The following ZFR variants were observed in gnomAD, a reference collection of about 807,000 sequenced individuals.
The protein encoded by ZFR is zinc finger RNA binding protein, also known as zinc finger RNA-binding protein.
ZFR carries 19 observed loss-of-function variants against 130.7 expected under a neutral mutation model. The observed-to-expected ratio is 0.15, with a 90% CI of 0.10 to 0.21. ZFR has a LOEUF of 0.21. Among genes scored for constraint, ZFR ranks in the 10% least tolerant of loss-of-function variants. ZFR has a pLI of 1.00. For synonymous variants in ZFR, 466 were observed against 456.9 expected, an observed-to-expected ratio of 1.02 and a Z score of -0.25; for missense variants, 872 against 1,321.5, an observed-to-expected ratio of 0.66 and a Z score of 5.27.
intron 3 of ZFR, among the ~76,000 whole-genome samples, chr5:32,419,281 TAG>T (rs1422604252): frequency 3.9e-5 from 6 of 152,100 alleles, no homozygotes; most frequent in Non-Finnish European, 8.8e-5. Flanking sequence ...CTATAAATAA[TAG>T]AGTCAAATGG....
intron 9 of ZFR, among the ~76,000 whole-genome samples, chr5:32,399,640 C>CTT (rs1393590076): frequency 3.9e-5 from 6 of 152,166 alleles, no homozygotes; most frequent in African/African-American, 1.4e-4. Context: ...ACAAAACTGA[C>CTT]TATTCAAAAA....
chr5:32,367,508 C>A (rs551456170), intron 17 of ZFR, among the ~76,000 whole-genome samples: 1 of 152,068 alleles, frequency 6.6e-6, no homozygotes, highest in Non-Finnish European at 1.5e-5. Context: ...GTAGCCTTGA[C>A]CTCCCAGGCT....
chr5:32,363,945 T>C lies in ZFR; in HGVS notation c.3045+3A>G. The C allele has an allele frequency of 2.5e-6, 4 of 1,613,558 alleles. No homozygotes were observed. Among genetic ancestry groups the C allele is most frequent in the Non-Finnish European group, 3.4e-6 (4 of 1,179,674 alleles). On this transcript the variant is annotated splice_donor_region_variant and intron_variant, in intron 19 of 19. Coordinates refer to ENST00000265069, the MANE Select transcript of ZFR (RefSeq NM_016107.5). ...AGGGCTCTGAATTTAGGAATACCAG[T>C]ACCTGTGCACTGGATGTGATGTCTT... is the stretch of plus-strand genomic sequence containing the variant.
Position 32,405,899 on chromosome 5 carries a change from C to T in ZFR, c.1032+875G>A, listed in dbSNP as rs999250182. 3.9e-5 allele frequency among the ~76,000 whole-genome samples: 6 copies of T among 152,184 alleles called. No homozygotes were observed. In the South Asian group the frequency reaches 8.3e-4, roughly 21 times the overall value. ...CAGGGAATGTTAGAAACTGAAAATA[C>T]CCCCCAAAATTCAGAAGTAGAGAAA... On this transcript the variant is annotated intron_variant, in intron 6 of 19. Coordinates refer to ENST00000265069, the MANE Select transcript of ZFR (RefSeq NM_016107.5).
At chr5:32,413,901 T>C (rs1246878265) in intron 5 of ZFR, among the ~76,000 whole-genome samples, 1 of 152,174 alleles carries the variant, frequency 6.6e-6, no homozygotes. Context: ...CTACCATCAT[T>C]CATACTGGTG....
At chr5:32,382,773 C>T (rs532453965) in intron 15 of ZFR, among the ~76,000 whole-genome samples, 1 of 152,178 alleles carries the variant, frequency 6.6e-6, no homozygotes, top group African/African-American at 2.4e-5. Flanking sequence ...CCACGCCCAG[C>T]TAATACCTAT....
At chr5:32,368,450 G>C (rs181475720) in intron 17 of ZFR, among the ~76,000 whole-genome samples, 149 of 152,238 alleles carry the variant, frequency 9.8e-4, no homozygotes, top group Non-Finnish European at 1.1e-3. Context: ...CGGTCAGGCT[G>C]GTCTTGAACT....
At chr5:32,444,093 C>CT in intron 2 of ZFR, 136 bp downstream of exon 2, 2 of 802,022 alleles carry the variant, frequency 2.5e-6, no homozygotes, top group Non-Finnish European at 3.2e-6. Flanking sequence ...GAGAGGCCGC[C>CT]GGGCTGGGCC....
At chr5:32,438,423 C>T (rs1561930864) in intron 2 of ZFR, among the ~76,000 whole-genome samples, 1 of 151,940 alleles carries the variant, frequency 6.6e-6, no homozygotes, top group Non-Finnish European at 1.5e-5. Context: ...ACCACCACGC[C>T]TGGCTAATTT....
At chr5:32,442,849 T>A (rs938972560) in intron 2 of ZFR, among the ~76,000 whole-genome samples, 7 of 152,040 alleles carry the variant, frequency 4.6e-5, no homozygotes, top group Non-Finnish European at 1.0e-4. Context: ...TTGCCCAGCA[T>A]CTCATTTTAC....
intron 4 of ZFR, among the ~76,000 whole-genome samples, chr5:32,416,910 T>C (rs1467400437): frequency 4.5e-5 from 1 of 22,120 alleles, no homozygotes; most frequent in Non-Finnish European, 1.4e-4. Flanking sequence ...TGCCCATTTT[T>C]TTTCTTTTTT....
At chr5:32,356,042 A>C in intron 19 of ZFR, 103 bp from the exon 20 acceptor site, 1 of 862,858 alleles carries the variant, frequency 1.2e-6, no homozygotes, top group South Asian at 2.7e-5. Context: ...AAGCATGTGT[A>C]ATGAAAGAAA....
At chr5:32,407,855 C>T (rs1028207780) in intron 5 of ZFR, among the ~76,000 whole-genome samples, 2 of 152,094 alleles carry the variant, frequency 1.3e-5, no homozygotes, top group African/African-American at 4.8e-5. Context: ...CAGTGATTTA[C>T]AGATTTTTAA....
chr5:32,444,129 C>T, intron 2 of ZFR, 100 bp downstream of exon 2: 2 of 1,361,466 alleles, frequency 1.5e-6, no homozygotes, highest in South Asian at 1.4e-5. Flanking sequence ...CGGGCCGGGG[C>T]TCTGGGATGG....
chr5:32,425,805 C>A (rs904784191), intron 2 of ZFR, among the ~76,000 whole-genome samples: 7 of 152,216 alleles, frequency 4.6e-5, no homozygotes, highest in Non-Finnish European at 1.0e-4. Flanking sequence ...GGATTACAGG[C>A]ATGAGCCACC....
intron 2 of ZFR, among the ~76,000 whole-genome samples, chr5:32,434,484 A>G (rs1266889856): frequency 1.3e-5 from 2 of 152,230 alleles, no homozygotes; most frequent in Non-Finnish European, 2.9e-5. Flanking sequence ...AAAGCCAACT[A>G]TGAAGTTAGT....
chr5:32,414,343 T>C (rs1753775095), intron 5 of ZFR, among the ~76,000 whole-genome samples: 1 of 152,206 alleles, frequency 6.6e-6, no homozygotes, highest in South Asian at 2.1e-4. Flanking sequence ...AGGCAATGTG[T>C]GATCTTAATC....
intron 17 of ZFR, among the ~76,000 whole-genome samples, chr5:32,369,202 G>GT (rs534823230): frequency 8.6e-5 from 13 of 151,808 alleles, no homozygotes; most frequent in Admixed American, 3.3e-4. Flanking sequence ...ACCGTTTGCT[G>GT]TTTTTTTTGT....
intron 15 of ZFR, among the ~76,000 whole-genome samples, chr5:32,383,091 T>C (rs527622592): frequency 1.3e-5 from 2 of 152,358 alleles, no homozygotes; most frequent in South Asian, 4.1e-4. Context: ...CAAATTAACA[T>C]GGTCATGTAA....
Sources: gnomAD v4.1 joint callset for allele counts (sites outside exome capture counted in the v4.1 genomes callset) on GRCh38, gnomAD v4.1.1 for gene constraint, MANE v1.5 for transcripts, NCBI Gene and HGNC (gene_info 2026-07-23, HGNC 2026-07-21) for gene names.